Variants in PCDH15 observed in about 807,000 individuals in gnomAD.
PCDH15 encodes the protein protocadherin related 15.
A neutral mutation model predicts 178.5 loss-of-function variants in PCDH15; 129 were observed. The observed-to-expected ratio is 0.72, with a 90% CI of 0.63 to 0.84. The LOEUF (loss-of-function observed/expected upper bound fraction) is 0.84, where lower values mean the gene tolerates loss of function less well. PCDH15 is among the 40% of genes least tolerant of loss of function. The pLI is 0.00. For synonymous variants in PCDH15, 800 were observed against 732.0 expected (o/e 1.09, Z -1.50); for missense variants, 2,230 against 2,099.9 (o/e 1.06, Z -1.21).
intron 2 of PCDH15, among the ~76,000 whole-genome samples, chr10:54,577,556 T>A (rs920163326): frequency 4.6e-5 from 7 of 152,020 alleles, no homozygotes; most frequent in Non-Finnish European, 8.8e-5. Flanking sequence ...TAAGTCAAGA[T>A]TAATTGATCA....
rs528370053 is a variant in PCDH15, at chr10:54,780,513, T to C, written c.-29+20412A>G. On this transcript the variant is annotated intron_variant, in intron 1 of 37. Transcript: ENST00000644397. ...TTTAATGTACAATTCTTTATATTTT[T>C]CACTAAAATCTATGTAATTTTCTTT... is the stretch of plus-strand genomic sequence containing the variant. Among the ~76,000 whole-genome samples, 8 of 152,204 alleles carry C rather than the reference T, an allele frequency of 5.3e-5. No homozygotes were observed. In the South Asian group the frequency reaches 1.7e-3, roughly 32 times the overall value.
intron 2 of PCDH15, among the ~76,000 whole-genome samples, chr10:55,360,522 G>A (rs890119248): frequency 2.6e-5 from 4 of 151,770 alleles, no homozygotes; most frequent in Non-Finnish European, 4.4e-5. Flanking sequence ...AACAACAAAG[G>A]CAGGTAATGC....
chr10:55,220,638 G>A (rs1840846878), intron 1 of PCDH15, among the ~76,000 whole-genome samples: 1 of 151,896 alleles, frequency 6.6e-6, no homozygotes, highest in African/African-American at 2.4e-5. Context: ...ACAACACAAT[G>A]GTAAGTACGT....
intron 3 of PCDH15, among the ~76,000 whole-genome samples, chr10:54,387,671 G>T (rs1950085462): frequency 6.6e-6 from 1 of 152,094 alleles, no homozygotes; most frequent in African/African-American, 2.4e-5. Flanking sequence ...CATTCATTAT[G>T]CTTGCTTCCT....
chr10:54,979,815 C>CATACAACAT (rs56971852), intron 2 of PCDH15, among the ~76,000 whole-genome samples: 6 of 151,484 alleles, frequency 4.0e-5, no homozygotes, highest in African/African-American at 1.5e-4. Context: ...CCATATTCTA[C>CATACAACAT]GTGTAACATA....
intron 6 of PCDH15, among the ~76,000 whole-genome samples, chr10:54,338,483 G>T (rs771669576): frequency 6.6e-6 from 1 of 152,096 alleles, no homozygotes; most frequent in Non-Finnish European, 1.5e-5. Flanking sequence ...TCCTTAAAAT[G>T]TGGTTTTAAC....
chr10:54,461,566 A>AC (rs1408893449), intron 3 of PCDH15, among the ~76,000 whole-genome samples: 1 of 152,200 alleles, frequency 6.6e-6, no homozygotes, highest in African/African-American at 2.4e-5. Flanking sequence ...ATATAGCAAC[A>AC]CATGTTGTCA....
At chr10:54,845,683 T>C (rs376505647) in intron 3 of PCDH15, among the ~76,000 whole-genome samples, 1 of 152,106 alleles carries the variant, frequency 6.6e-6, no homozygotes, top group Non-Finnish European at 1.5e-5. Context: ...AGGCTCTTGC[T>C]GTGAGAAAGT....
intron 25 of PCDH15, among the ~76,000 whole-genome samples, chr10:53,938,296 A>C (rs1425425373): frequency 2.0e-5 from 3 of 152,148 alleles, no homozygotes; most frequent in Non-Finnish European, 4.4e-5. Flanking sequence ...TTTGTAAAAC[A>C]GGGTAGTAAT....
At chr10:55,382,944 T>A (rs1837572238) in intron 2 of PCDH15, among the ~76,000 whole-genome samples, 1 of 152,332 alleles carries the variant, frequency 6.6e-6, no homozygotes, top group East Asian at 1.9e-4. Flanking sequence ...GTTAATGCTC[T>A]TTTAGCAGTT....
intron 2 of PCDH15, among the ~76,000 whole-genome samples, chr10:54,976,023 A>G (rs1839062020): frequency 1.3e-5 from 2 of 152,218 alleles, no homozygotes; most frequent in South Asian, 4.1e-4. Context: ...CCTTAAGTGT[A>G]TCATGGAATT....
intron 2 of PCDH15, among the ~76,000 whole-genome samples, chr10:55,051,695 C>G (rs1315042660): frequency 1.3e-5 from 2 of 152,172 alleles, no homozygotes; most frequent in Non-Finnish European, 2.9e-5. Context: ...CAACCCTCAT[C>G]ATCTGCCAAA....
At chr10:55,026,851 G>C (rs969723877) in intron 2 of PCDH15, among the ~76,000 whole-genome samples, 4 of 151,896 alleles carry the variant, frequency 2.6e-5, no homozygotes, top group Admixed American at 6.6e-5. Flanking sequence ...GGACTTAAGG[G>C]AATGAAGAAT....
intron 2 of PCDH15, among the ~76,000 whole-genome samples, chr10:55,520,551 A>G (rs1223794663): frequency 6.7e-6 from 1 of 149,314 alleles, no homozygotes; most frequent in Non-Finnish European, 1.5e-5. Context: ...ATATTTATTT[A>G]TATGTTTTTA....
chr10:54,479,055 T>C (rs1394494173), intron 3 of PCDH15, among the ~76,000 whole-genome samples: 2 of 150,508 alleles, frequency 1.3e-5, no homozygotes, highest in East Asian at 1.9e-4. Flanking sequence ...GCAACATAAA[T>C]GGAGACATAG....
chr10:55,588,657 AC>A (rs2132128600), intron 2 of PCDH15, among the ~76,000 whole-genome samples: 1 of 152,104 alleles, frequency 6.6e-6, no homozygotes. Flanking sequence ...GTATTACCAA[AC>A]CTTTGCTCTA....
chr10:54,022,766 A>G, intron 19 of PCDH15, 126 bp downstream of exon 19: 9 of 939,618 alleles, frequency 9.6e-6, no homozygotes, highest in Non-Finnish European at 1.4e-5. Context: ...AAATTTATTC[A>G]TTGTTTATCT....
At chr10:54,355,766 T>A (rs1051471747) in intron 5 of PCDH15, among the ~76,000 whole-genome samples, 2 of 152,032 alleles carry the variant, frequency 1.3e-5, no homozygotes, top group African/African-American at 4.8e-5. Context: ...AAAAAATTGG[T>A]TCTCAGCAAG....
rs2048411245 is a variant in PCDH15 at position 54,185,540 on chromosome 10, T to C, written c.1306-272A>G. On this transcript the variant is annotated intron_variant, in intron 11 of 37. Coordinates refer to ENST00000644397, the MANE Select transcript of PCDH15 (RefSeq NM_001384140.1). ...AAAAATAATAGAAAAACAGAAAGAATATAAAAACTCCCAATTAAATATATT... is the reference window on the plus strand; with the variant it reads ...AAAAATAATAGAAAAACAGAAAGAACATAAAAACTCCCAATTAAATATATT... 2.0e-5 allele frequency among the ~76,000 whole-genome samples: 3 copies of C among 152,010 alleles called. No individual in the cohort carries two copies. In the South Asian group the frequency reaches 6.2e-4, roughly 32 times the overall value.
Sources: allele counts gnomAD v4.1 joint callset (sites outside exome capture counted in the v4.1 genomes callset), GRCh38; gene constraint gnomAD v4.1.1; transcripts MANE v1.5; gene names NCBI Gene and HGNC (gene_info 2026-07-23, HGNC 2026-07-21).